Variants in PRR16 observed in about 807,000 individuals in gnomAD.
PRR16 encodes protein Largen.
Under a neutral mutation model 18.2 loss-of-function variants are expected in PRR16, and 6 were observed. That is an observed-to-expected ratio of 0.33 (90% CI 0.18 to 0.65). PRR16 has a LOEUF of 0.65. Ranked by LOEUF, PRR16 falls within the 30% of genes least tolerant of loss-of-function variation. PRR16 has a pLI of 0.74. For synonymous variants in PRR16, 151 were observed against 147.8 expected, an observed-to-expected ratio of 1.02 and a Z score of -0.16; for missense variants, 412 against 376.6, an observed-to-expected ratio of 1.09 and a Z score of -0.78.
the PRR16 span, among the ~76,000 whole-genome samples, chr5:120,769,685 T>G: frequency 6.6e-6 from 1 of 151,930 alleles, no homozygotes; most frequent in African/African-American, 2.4e-5. Flanking sequence ...ATGCAGATTT[T>G]TTTTGACTTA....
In PRR16 at chr5:120,529,357, A is replaced by C. The variant is rs185097188; in HGVS notation, c.159+64712A>C. On this transcript the variant is annotated intron_variant, in intron 1 of 1. Coordinates refer to ENST00000407149, the MANE Select transcript of PRR16 (RefSeq NM_001300783.2). ...GTAGCTACCTATTTTTTTCTTTCTG[A>C]TAGTGTTCAACAATGGCTTATTGAC... Among the ~76,000 whole-genome samples, 18 of 152,202 alleles carry C rather than the reference A, an allele frequency of 1.2e-4. No individual in the cohort carries two copies. The East Asian group carries it at 2.9e-3, about 24-fold the overall frequency.
intron 1 of PRR16, among the ~76,000 whole-genome samples, chr5:120,517,374 C>A (rs1751031873): frequency 6.6e-6 from 1 of 152,100 alleles, no homozygotes; most frequent in Non-Finnish European, 1.5e-5. Context: ...TTCCTACTCT[C>A]CCTCACCCCT....
the PRR16 span, among the ~76,000 whole-genome samples, chr5:120,785,575 G>GTTGTTGTTTTTTT: frequency 8.7e-6 from 1 of 115,394 alleles, no homozygotes; most frequent in African/African-American, 3.4e-5. Flanking sequence ...TGTTGTTGTT[G>GTTGTTGTTTTTTT]TTTTTTTTTT....
chr5:120,641,133 C>G (rs1755408941), intron 1 of PRR16, among the ~76,000 whole-genome samples: 1 of 152,160 alleles, frequency 6.6e-6, no homozygotes, highest in African/African-American at 2.4e-5. Context: ...TTTCGTCTAG[C>G]TTAAAATTGT....
chr5:120,489,771 G>A (rs1287616920), intron 1 of PRR16, among the ~76,000 whole-genome samples: 1 of 152,158 alleles, frequency 6.6e-6, no homozygotes, highest in Non-Finnish European at 1.5e-5. Context: ...AATTTGGCAT[G>A]TTTTTGCAGT....
At chr5:120,668,775 T>G (rs1410658656) in intron 1 of PRR16, among the ~76,000 whole-genome samples, 1 of 152,178 alleles carries the variant, frequency 6.6e-6, no homozygotes, top group Admixed American at 6.5e-5. Context: ...GAATGTTGAA[T>G]ATTGGCCCCC....
At chr5:120,658,704 CAAT>C (rs532830048) in intron 1 of PRR16, among the ~76,000 whole-genome samples, 114 of 151,904 alleles carry the variant, frequency 7.5e-4, no homozygotes, top group African/African-American at 2.5e-3. Flanking sequence ...TAAGGAACTC[CAAT>C]AATAAAATGC....
chr5:120,551,268 TC>T (rs769758205), intron 1 of PRR16, among the ~76,000 whole-genome samples: 1 of 152,000 alleles, frequency 6.6e-6, no homozygotes, highest in Non-Finnish European at 1.5e-5. Flanking sequence ...GCTGTATTTG[TC>T]TTCCTGAGTC....
At chr5:120,704,546 C>G in the PRR16 span, among the ~76,000 whole-genome samples, 1 of 152,148 alleles carries the variant, frequency 6.6e-6, no homozygotes. Flanking sequence ...CCAATGTACT[C>G]AAGAGTATTT....
At chr5:120,758,502 T>A in the PRR16 span, among the ~76,000 whole-genome samples, 1 of 152,174 alleles carries the variant, frequency 6.6e-6, no homozygotes, top group South Asian at 2.1e-4. Context: ...CCCACCCAAA[T>A]CTCATGTAGA....
At chr5:120,544,941 T>A (rs1752030278) in intron 1 of PRR16, among the ~76,000 whole-genome samples, 1 of 152,158 alleles carries the variant, frequency 6.6e-6, no homozygotes, top group African/African-American at 2.4e-5. Flanking sequence ...ATCTCACAAG[T>A]GATTTTCTCA....
At position 120,626,852 on chromosome 5, in the gene PRR16, A is replaced by G. The variant is rs1754881986; in HGVS notation, c.160-59102A>G. On this transcript the variant is annotated intron_variant, in intron 1 of 1. Transcript: ENST00000407149. ...AAAATAGGAATCTTATTTATTTAGAATTTGATACTGACCTTATTTCTCTTG... is the reference window on the plus strand; with the variant it reads ...AAAATAGGAATCTTATTTATTTAGAGTTTGATACTGACCTTATTTCTCTTG... Among the ~76,000 whole-genome samples, 3 of 152,172 alleles carry G rather than the reference A, an allele frequency of 2.0e-5. No homozygotes were observed. In the South Asian group the frequency reaches 6.2e-4, roughly 31 times the overall value.
intron 1 of PRR16, among the ~76,000 whole-genome samples, chr5:120,650,011 A>T (rs1227454911): frequency 6.6e-6 from 1 of 152,034 alleles, no homozygotes; most frequent in Non-Finnish European, 1.5e-5. Context: ...CGAGGTCAAG[A>T]GATTGAGACC....
chr5:120,664,603 C>T (rs1006185030), intron 1 of PRR16, among the ~76,000 whole-genome samples: 4 of 151,920 alleles, frequency 2.6e-5, no homozygotes, highest in African/African-American at 9.7e-5. Flanking sequence ...GCTATCCCTC[C>T]CTGCTCCCCC....
At position 120,686,631 on chromosome 5, in the gene PRR16, A is replaced by T; in HGVS notation, c.837A>T (p.Arg279Ser). 6.2e-7 allele frequency: 1 copy of T among 1,606,652 alleles called. No homozygotes were observed. The highest frequency in any genetic ancestry group is 1.7e-5 in the Admixed American group (1 of 59,502). ...ACAGTAACAGCTTCCCCCCTATCAGACCTGCAACTGTGCCTCCTCCCACTG... is the reference window on the plus strand; with the variant it reads ...ACAGTAACAGCTTCCCCCCTATCAGTCCTGCAACTGTGCCTCCTCCCACTG... The part of the protein sequence containing the change: ...ISHSNSFPPI[R>S]PATVPPPTAP... Residue 279 changes from arginine to serine, a missense_variant, in exon 2 of 2, where the codon AGA (arginine) becomes AGT (serine). Coordinates refer to ENST00000407149, the MANE Select transcript of PRR16 (RefSeq NM_001300783.2).
intron 1 of PRR16, among the ~76,000 whole-genome samples, chr5:120,537,838 G>A (rs570573179): frequency 2.0e-5 from 3 of 148,308 alleles, no homozygotes; most frequent in South Asian, 2.2e-4. Flanking sequence ...GTGCAGTGGC[G>A]GGATCTCGGC....
chr5:120,502,984 G>A (rs1469687889), intron 1 of PRR16, among the ~76,000 whole-genome samples: 1 of 151,996 alleles, frequency 6.6e-6, no homozygotes, highest in Non-Finnish European at 1.5e-5. Flanking sequence ...CCTAAAAAAA[G>A]ATTTTTTTCT....
intron 1 of PRR16, among the ~76,000 whole-genome samples, chr5:120,592,919 A>C (rs1753683448): frequency 6.6e-6 from 1 of 152,146 alleles, no homozygotes; most frequent in African/African-American, 2.4e-5. Flanking sequence ...ACAAAAACCT[A>C]AGATATAATT....
rs1226289767 is a variant in PRR16, at chr5:120,668,355, T to G, written c.160-17599T>G. 2.0e-5 allele frequency among the ~76,000 whole-genome samples: 3 copies of G among 149,592 alleles called. No individual in the cohort carries two copies. In the East Asian group the frequency reaches 5.9e-4, roughly 29 times the overall value. On this transcript the variant is annotated intron_variant, in intron 1 of 1. Coordinates refer to ENST00000407149, the MANE Select transcript of PRR16 (RefSeq NM_001300783.2). ...TTTTGAGCCTATGTGTGTCTCTGCATGTGAGATGGGTTTCCTGAATACAGC... is the reference window on the plus strand; with the variant it reads ...TTTTGAGCCTATGTGTGTCTCTGCAGGTGAGATGGGTTTCCTGAATACAGC...
Sources: allele counts gnomAD v4.1 joint callset (sites outside exome capture counted in the v4.1 genomes callset), GRCh38; gene constraint gnomAD v4.1.1; transcripts MANE v1.5; gene names NCBI Gene and HGNC (gene_info 2026-07-23, HGNC 2026-07-21).